SLC5A10: variants seen among roughly 807,000 people sequenced by gnomAD.
SLC5A10 encodes sodium/mannose cotransporter SLC5A10.
A neutral mutation model predicts 68.9 loss-of-function variants in SLC5A10; 55 were observed. The ratio of observed to expected loss-of-function variants is 0.80; its 90% CI spans 0.64 to 1.00. The LOEUF (loss-of-function observed/expected upper bound fraction) is 1.00, where lower values mean the gene tolerates loss of function less well. SLC5A10 is among the 50% of genes least tolerant of loss of function. The pLI is 0.00. For synonymous variants in SLC5A10, 344 were observed against 344.8 expected (o/e 1.00, Z 0.02); for missense variants, 732 against 819.3 (o/e 0.89, Z 1.30).
intron 9 of SLC5A10, among the ~76,000 whole-genome samples, chr17:18,999,496 C>T (rs994620778): frequency 4.6e-5 from 7 of 152,134 alleles, no homozygotes; most frequent in South Asian, 2.1e-4. Flanking sequence ...TTGCCATCTC[C>T]GAGCCCCACC....
intron 9 of SLC5A10, among the ~76,000 whole-genome samples, chr17:18,980,001 T>C (rs1469594657): frequency 6.6e-6 from 1 of 152,100 alleles, no homozygotes; most frequent in Non-Finnish European, 1.5e-5. Flanking sequence ...GCTTGGGAAA[T>C]GCTGCCGTGG....
intron 9 of SLC5A10, among the ~76,000 whole-genome samples, chr17:19,005,086 G>C (rs1210531248): frequency 6.6e-6 from 1 of 152,202 alleles, no homozygotes; most frequent in Non-Finnish European, 1.5e-5. Flanking sequence ...GCTGTGCCCA[G>C]TTTCGCCGGC....
intron 9 of SLC5A10, among the ~76,000 whole-genome samples, chr17:18,997,830 T>C (rs2043605457): frequency 6.6e-6 from 1 of 152,222 alleles, no homozygotes; most frequent in Non-Finnish European, 1.5e-5. Flanking sequence ...GGGAGAGATC[T>C]GGCATCTACC....
intron 9 of SLC5A10, chr17:18,978,863 G>A: frequency 6.2e-7 from 1 of 1,610,038 alleles, no homozygotes; most frequent in Non-Finnish European, 8.5e-7. Flanking sequence ...GCAACAGAGG[G>A]AGGGGGCGCT....
rs753372898 is a variant in SLC5A10, at chr17:18,976,878, GC to G, written c.874del (p.Arg292GlyfsTer3). ...GGTCATCGTGCAGCGATCACTGTCA[GC>G]CCGGGACCTGAACCATGCCAAGGCG... ...DQVIVQRSLS[A>X]RDLNHAKAGS... is the part of the protein sequence containing the mutation. On this transcript the variant is annotated frameshift_variant, in exon 9 of 15. Transcript: ENST00000395645. LOFTEE classifies it high-confidence loss of function. 6.2e-7 allele frequency: 1 copy of G among 1,613,600 alleles called. No homozygotes were observed. The highest frequency in any genetic ancestry group is 1.1e-5 in the South Asian group (1 of 91,078).
intron 9 of SLC5A10, chr17:18,978,534 C>T: frequency 6.2e-7 from 1 of 1,613,380 alleles, no homozygotes; most frequent in Non-Finnish European, 8.5e-7. Context: ...AGCGCTGGGC[C>T]TTTCAGCCCC....
At position 18,971,165 on chromosome 17, in the gene SLC5A10, G is replaced by A. The variant is rs756306098; in HGVS notation, c.793G>A (p.Gly265Arg). 1.4e-5 allele frequency: 23 copies of A among 1,613,940 alleles called. No individual in the cohort carries two copies. The highest frequency in any genetic ancestry group is 1.5e-5 in the Non-Finnish European group (18 of 1,180,046). ...CCACACAGGGGACCTGCCGTGGACC[G>A]GGATGACCTTTGGCCTGACCATCAT... ...DPHTGDLPWT[G>R]MTFGLTIMAT... Residue 265 changes from glycine to arginine, a missense_variant, in exon 8 of 15, where the codon GGG (glycine) becomes AGG (arginine). By Grantham distance (125) the Gly-to-Arg change is moderately radical. Coordinates refer to ENST00000395645, the MANE Select transcript of SLC5A10 (RefSeq NM_001042450.4). The surrounding 1 kb of genome is among the most constrained non-coding windows in gnomAD (Gnocchi z 5.5).
In SLC5A10 at chr17:19,017,483, G is replaced by A; in HGVS notation, c.1242-1940G>A. ...AACAGCCCAGAGGCCTGGAGAGGAGGCCATCGCAGGGCCGGGTGCAGTACC... is the reference window on the plus strand; with the variant it reads ...AACAGCCCAGAGGCCTGGAGAGGAGACCATCGCAGGGCCGGGTGCAGTACC... On this transcript the variant is annotated intron_variant, in intron 11 of 14. Coordinates refer to ENST00000395645, the MANE Select transcript of SLC5A10 (RefSeq NM_001042450.4). The surrounding 1 kb of genome is among the most constrained non-coding windows in gnomAD (Gnocchi z 5.6). The A allele has an allele frequency of 8.0e-7, 1 of 1,247,122 alleles. No homozygotes were observed. The highest frequency in any genetic ancestry group is 1.1e-6 in the Non-Finnish European group (1 of 875,302). The allele number at this position is 1,247,122 out of a possible 1,614,324, so 77.3% of individuals were successfully genotyped here.
chr17:18,952,372 G>A (rs192021842), intron 1 of SLC5A10, 56 bp downstream of exon 1: 13 of 1,562,706 alleles, frequency 8.3e-6, no homozygotes, highest in Non-Finnish European at 1.1e-5. Flanking sequence ...GGTGCTTGGG[G>A]TGGGAACCGG....
Position 18,968,957 on chromosome 17 carries a change from G to A in SLC5A10, c.454-95G>A, listed in dbSNP as rs1206230116. 1.0e-5 allele frequency: 12 copies of A among 1,197,448 alleles called. No homozygotes were observed. The highest frequency in any genetic ancestry group is 7.6e-5 in the African/African-American group (5 of 65,764). The allele number at this position is 1,197,448 out of a possible 1,614,324, so 74.2% of individuals were successfully genotyped here. A position where few individuals can be genotyped will look rare whatever the true frequency, so the allele number is the denominator to read the frequency against. ...CTCCCCTCCTTATCCACAGGCCACC[G>A]AGGCCCAGAGAGGGCCTTGCCCGAG... On this transcript the variant is annotated intron_variant, in intron 5 of 14. Transcript: ENST00000395645. The surrounding 1 kb of genome is among the most constrained non-coding windows in gnomAD (Gnocchi z 4.1).
At chr17:19,011,322 G>A (rs1191797793) in intron 9 of SLC5A10, among the ~76,000 whole-genome samples, 1 of 152,216 alleles carries the variant, frequency 6.6e-6, no homozygotes, top group Non-Finnish European at 1.5e-5. Context: ...TAGACGGACA[G>A]TGGTGCCCTG....
At chr17:18,989,726 G>A (rs1180928338) in intron 9 of SLC5A10, among the ~76,000 whole-genome samples, 1 of 152,234 alleles carries the variant, frequency 6.6e-6, no homozygotes, top group African/African-American at 2.4e-5. Flanking sequence ...CCCATTTACA[G>A]GGGGTCTTGT....
At chr17:19,008,953 A>C (rs1322590171) in intron 9 of SLC5A10, among the ~76,000 whole-genome samples, 1 of 151,862 alleles carries the variant, frequency 6.6e-6, no homozygotes, top group African/African-American at 2.4e-5. Flanking sequence ...CTGGGACTAC[A>C]GGTGCGTGCC....
In SLC5A10 at chr17:18,971,641, A is replaced by G. The variant is rs757008654; in HGVS notation, c.846+423A>G. On this transcript the variant is annotated intron_variant, in intron 8 of 14. Coordinates refer to ENST00000395645, the MANE Select transcript of SLC5A10 (RefSeq NM_001042450.4). The surrounding 1 kb of genome is among the most constrained non-coding windows in gnomAD (Gnocchi z 5.5). ...CCATGGCTGGGCCAGCGTTTCTGGT[A>G]GAGCTCTGGACGCTGTCAGCAGCAG... 1.4e-5 allele frequency: 22 copies of G among 1,613,476 alleles called. No individual in the cohort carries two copies. Among genetic ancestry groups the G allele is most frequent in the African/African-American group, 2.7e-5 (2 of 75,044 alleles).
intron 9 of SLC5A10, chr17:18,988,478 G>C: frequency 1.3e-6 from 2 of 1,588,602 alleles, no homozygotes; most frequent in Admixed American, 3.4e-5. Context: ...GGGTGCCCTG[G>C]CAGAGCGCAC....
chr17:19,011,360 T>C (rs903064425), intron 9 of SLC5A10, among the ~76,000 whole-genome samples: 1 of 152,104 alleles, frequency 6.6e-6, no homozygotes, highest in Non-Finnish European at 1.5e-5. Context: ...TGCAAAGGCA[T>C]GGAGGCGTCC....
chr17:18,957,537 C>T (rs780291469), intron 1 of SLC5A10, among the ~76,000 whole-genome samples: 2 of 152,128 alleles, frequency 1.3e-5, no homozygotes, highest in Admixed American at 6.5e-5. Flanking sequence ...GGCACGATCT[C>T]GGCTCACTGC....
intron 9 of SLC5A10, chr17:18,978,742 G>A (rs201631502): frequency 6.2e-7 from 1 of 1,613,022 alleles, no homozygotes; most frequent in African/African-American, 1.3e-5. Context: ...GGCTCACACT[G>A]TGTGACATGA....
chr17:18,982,633 G>A (rs2043167804), intron 9 of SLC5A10, among the ~76,000 whole-genome samples: 1 of 152,182 alleles, frequency 6.6e-6, no homozygotes, highest in Non-Finnish European at 1.5e-5. Flanking sequence ...CGGGTGGCAA[G>A]GCAAGGTGGG....
Sources: gnomAD v4.1 joint callset for allele counts (sites outside exome capture counted in the v4.1 genomes callset) on GRCh38, gnomAD v4.1.1 for gene constraint, Gnocchi (gnomAD v3.1) non-coding constraint, MANE v1.5 for transcripts, NCBI Gene and HGNC (gene_info 2026-07-23, HGNC 2026-07-21) for gene names.